Variants in PCSK6 observed in about 807,000 individuals in gnomAD.
PCSK6 encodes proprotein convertase subtilisin/kexin type 6.
In PCSK6, 85 loss-of-function variants were observed where a neutral mutation model predicts 123.3. The observed-to-expected ratio is 0.69, with a 90% CI of 0.58 to 0.83. PCSK6 has a LOEUF of 0.83. Ranked by LOEUF, PCSK6 falls within the 40% of genes least tolerant of loss-of-function variation. The pLI is 0.00. For synonymous variants in PCSK6, 508 were observed against 516.0 expected, an observed-to-expected ratio of 0.98 and a Z score of 0.21; for missense variants, 1,191 against 1,282.3, an observed-to-expected ratio of 0.93 and a Z score of 1.09.
In PCSK6 at chr15:101,398,850, C is replaced by T. The variant is rs566851442; in HGVS notation, c.824-274G>A. Among the ~76,000 whole-genome samples, 1 of 152,092 alleles carries T rather than the reference C, an allele frequency of 6.6e-6. No individual in the cohort carries two copies. Among genetic ancestry groups the T allele is most frequent in the Non-Finnish European group, 1.5e-5 (1 of 68,028 alleles). ...GATGTCCTGCTGGTATCTAAAAATG[C>T]ATATTTCTGTTTTTTATTTTAAAAA... On this transcript the variant is annotated intron_variant, in intron 6 of 21. Transcript: ENST00000611716. The surrounding 1 kb of genome is among the most constrained non-coding windows in gnomAD (Gnocchi z 4.6).
chr15:101,389,403 T>C, intron 9 of PCSK6, 61 bp downstream of exon 9: 1 of 1,329,512 alleles, frequency 7.5e-7, no homozygotes, highest in Non-Finnish European at 1.1e-6. Flanking sequence ...GCCAATGTCA[T>C]GTGTATTTTA....
At chr15:101,445,633 G>A (rs770771873) in intron 1 of PCSK6, among the ~76,000 whole-genome samples, 2 of 152,118 alleles carry the variant, frequency 1.3e-5, no homozygotes, top group Admixed American at 6.5e-5. Flanking sequence ...ATTTAGCTAC[G>A]GAGGCAATCA....
At chr15:101,457,434 C>A (rs2057215930) in intron 1 of PCSK6, among the ~76,000 whole-genome samples, 2 of 152,216 alleles carry the variant, frequency 1.3e-5, no homozygotes, top group Admixed American at 1.3e-4. Flanking sequence ...CGGCCTGGCA[C>A]ACAGAGAGCA....
chr15:101,360,262 C>T (rs2041173408), intron 13 of PCSK6, among the ~76,000 whole-genome samples: 1 of 152,198 alleles, frequency 6.6e-6, no homozygotes, highest in South Asian at 2.1e-4. Context: ...TCCGTCTATT[C>T]TGACCAGCTG....
rs771085445 is a variant in PCSK6, at chr15:101,325,039, C to G, written c.2188G>C (p.Val730Leu). ...LGSVKTSRKC[V>L]SVCPLGYFGD... is the part of the protein sequence containing the mutation. ...AAGTAGCCCAAGGGGCACACACTCA[C>G]GCACTTCCTGTAGGAGCAAAGGCAG... Residue 730 changes from valine (V) to leucine (L), a missense_variant, in exon 17 of 22, where the codon GTG (valine) becomes CTG (leucine). By Grantham distance (32) the Val-to-Leu change is conservative. Around this residue, in one of 3 missense-constraint regions of PCSK6, gnomAD observed 630 missense variants for 631.4 expected, o/e 1.00. Transcript: ENST00000611716. The G allele has an allele frequency of 1.9e-6, 3 of 1,606,602 alleles. No individual in the cohort carries two copies. In the South Asian group the frequency reaches 3.3e-5, roughly 18 times the overall value.
At position 101,384,371 on chromosome 15, in the gene PCSK6, C is replaced by A; in HGVS notation, c.1365G>T (p.Pro455=). The change falls in exon 10 of 22, where the codon CCG becomes CCT. Residue 455 remains proline, a synonymous_variant. Transcript: ENST00000611716. ...VQHLLVKTSR[P]AHLKASDWKV... The stretch of plus-strand genomic sequence containing the variant: ...TCCAGTCGCTCGCTTTCAGGTGGGC[C>A]GGCCGGGATGTCTTCACTAGCAGGT... 6.2e-7 allele frequency: 1 copy of A among 1,613,766 alleles called. No homozygotes were observed.
chr15:101,468,700 C>T (rs995349350), intron 1 of PCSK6, among the ~76,000 whole-genome samples: 16 of 152,312 alleles, frequency 1.1e-4, no homozygotes, highest in African/African-American at 2.9e-4. Flanking sequence ...TGGCCATCCA[C>T]GTCCTTGATG....
chr15:101,323,193 G>A (rs2040169972), intron 17 of PCSK6, among the ~76,000 whole-genome samples: 1 of 152,190 alleles, frequency 6.6e-6, no homozygotes, highest in African/African-American at 2.4e-5. Flanking sequence ...TCTGGGCCTG[G>A]GAGCTAACAG....
At chr15:101,390,701 G>A (rs555752705) in intron 8 of PCSK6, among the ~76,000 whole-genome samples, 8 of 152,302 alleles carry the variant, frequency 5.3e-5, no homozygotes, top group East Asian at 3.9e-4. Flanking sequence ...CCAACAGCCC[G>A]AGTGGGCAAG....
At chr15:101,426,778 G>A (rs1479402178) in intron 6 of PCSK6, among the ~76,000 whole-genome samples, 4 of 115,044 alleles carry the variant, frequency 3.5e-5, no homozygotes, top group Admixed American at 8.2e-5. Context: ...GTGGCAGAAC[G>A]GCAGAAAGTG....
intron 19 of PCSK6, among the ~76,000 whole-genome samples, chr15:101,315,974 A>G (rs1453468784): frequency 1.3e-5 from 2 of 152,130 alleles, no homozygotes; most frequent in African/African-American, 4.8e-5. Context: ...GCCATGCCCT[A>G]CCCCAAGCAC....
intron 6 of PCSK6, among the ~76,000 whole-genome samples, chr15:101,413,715 T>C (rs2055785826): frequency 6.6e-6 from 1 of 152,142 alleles, no homozygotes; most frequent in Non-Finnish European, 1.5e-5. Context: ...CACATAGACA[T>C]GATAAACACC....
intron 11 of PCSK6, among the ~76,000 whole-genome samples, chr15:101,378,742 T>C (rs2041823642): frequency 6.6e-6 from 1 of 152,196 alleles, no homozygotes; most frequent in African/African-American, 2.4e-5. Context: ...TTCGGGTGGA[T>C]CCATACACAG....
chr15:101,433,909 G>A (rs1046769886), intron 2 of PCSK6, among the ~76,000 whole-genome samples: 1 of 144,434 alleles, frequency 6.9e-6, no homozygotes, highest in Admixed American at 6.9e-5. Flanking sequence ...GTCCCACCCC[G>A]ATGTAATTCG....
intron 1 of PCSK6, among the ~76,000 whole-genome samples, chr15:101,475,557 C>A (rs560398191): frequency 1.3e-5 from 2 of 152,238 alleles, no homozygotes; most frequent in African/African-American, 4.8e-5. Context: ...GTGGTCTTGG[C>A]TCACTGACTC....
chr15:101,464,438 G>A (rs890236018), intron 1 of PCSK6, among the ~76,000 whole-genome samples: 1 of 152,164 alleles, frequency 6.6e-6, no homozygotes, highest in Non-Finnish European at 1.5e-5. Context: ...CTACAAGATT[G>A]GCTAATCCAA....
At chr15:101,346,814 A>G in intron 13 of PCSK6, 1 of 1,231,388 alleles carries the variant, frequency 8.1e-7, no homozygotes, top group Non-Finnish European at 1.0e-6. Context: ...TATGCTTTCT[A>G]CTGGAGATAC....
chr15:101,411,744 G>A (rs1279220429), intron 6 of PCSK6, among the ~76,000 whole-genome samples: 1 of 152,174 alleles, frequency 6.6e-6, no homozygotes, highest in Non-Finnish European at 1.5e-5. Flanking sequence ...CCTGAGTGGC[G>A]AGCCTAGACC....
intron 17 of PCSK6, 94 bp downstream of exon 17, chr15:101,324,756 C>T (rs1162470427): frequency 2.4e-5 from 25 of 1,051,058 alleles, no homozygotes; most frequent in Non-Finnish European, 3.2e-5. Context: ...TACACGGAAG[C>T]AGAAGGCTGG....
Sources: gnomAD v4.1 joint callset for allele counts (sites outside exome capture counted in the v4.1 genomes callset) on GRCh38, gnomAD v4.1.1 for gene constraint, gnomAD v4.1.1 regional missense constraint, Gnocchi (gnomAD v3.1) non-coding constraint, MANE v1.5 for transcripts, NCBI Gene and HGNC (gene_info 2026-07-23, HGNC 2026-07-21) for gene names.